PRL: variants seen among roughly 807,000 people sequenced by gnomAD.
The protein encoded by PRL is prolactin.
A neutral mutation model predicts 21.3 loss-of-function variants in PRL; 24 were observed. That is an observed-to-expected ratio of 1.13 (90% confidence interval 0.82 to 1.59). The LOEUF is 1.59. PRL is among the 40% of genes most tolerant of loss of function. The pLI is 0.00. For missense variants in PRL, 243 were observed against 286.9 expected, an observed-to-expected ratio of 0.85 and a Z score of 1.10; for synonymous variants, 118 against 115.7, an observed-to-expected ratio of 1.02 and a Z score of -0.13.
intron 2 of PRL, 65 bp downstream of exon 2, chr6:22,294,344 G>T: frequency 6.3e-7 from 1 of 1,588,770 alleles, no homozygotes; most frequent in Non-Finnish European, 8.6e-7. Context: ...AGGTTAACAT[G>T]TAGCAGAGCC....
chr6:22,297,632 G>A (rs1761205351), upstream of PRL: 1 of 152,120 alleles, frequency 6.6e-6, no homozygotes, highest in Non-Finnish European at 1.5e-5. Flanking sequence ...CATGTGTTTT[G>A]TCTTTTTAAA....
chr6:22,299,333 T>C (rs1310396221), upstream of PRL, among the ~76,000 whole-genome samples: 1 of 152,202 alleles, frequency 6.6e-6, no homozygotes, highest in Non-Finnish European at 1.5e-5. Flanking sequence ...ATAGCTCAAA[T>C]GATGCTAAAG....
At chr6:22,294,297 A>G in intron 2 of PRL, 112 bp downstream of exon 2, 1 of 1,259,672 alleles carries the variant, frequency 7.9e-7, no homozygotes, top group Non-Finnish European at 1.1e-6. Context: ...TCACATGTTA[A>G]AATGTATCGT....
chr6:22,291,894 T>C (rs1332952950), intron 3 of PRL, among the ~76,000 whole-genome samples: 1 of 152,228 alleles, frequency 6.6e-6, no homozygotes, highest in African/African-American at 2.4e-5. Context: ...TGATTGAGGC[T>C]TGATATACAG....
At chr6:22,292,966 T>C (rs1439576592) in intron 2 of PRL, among the ~76,000 whole-genome samples, 1 of 152,200 alleles carries the variant, frequency 6.6e-6, no homozygotes, top group Non-Finnish European at 1.5e-5. Flanking sequence ...AGCAAAAATA[T>C]GCAACATTAA....
chr6:22,293,385 A>G (rs1226636681), intron 2 of PRL, among the ~76,000 whole-genome samples: 3 of 152,188 alleles, frequency 2.0e-5, no homozygotes, highest in Non-Finnish European at 2.9e-5. Context: ...TGGCCAGTCA[A>G]AAATGGAGGA....
At position 22,292,638 on chromosome 6, in the gene PRL, C is replaced by A. The variant is rs140506129; in HGVS notation, c.212G>T (p.Arg71Leu). ...SSEMFSEFDK[R>L]YTHGRGFITK... ...AATGAACCCCCGGCCATGGGTATAC[C>A]GTTTATCCTGGAAATGATGAGACAA... The change falls in exon 3 of 5, where the codon CGG becomes CTG. Residue 71 changes from arginine to leucine, a missense_variant. Coordinates refer to ENST00000306482, the MANE Select transcript of PRL (RefSeq NM_000948.6). 3.1e-6 allele frequency: 5 copies of A among 1,612,204 alleles called. No individual in the cohort carries two copies. Among genetic ancestry groups the A allele is most frequent in the Middle Eastern group, 1.6e-4 (1 of 6,078 alleles).
rs1760988167 is a variant in PRL at position 22,288,919 on chromosome 6, CGTGCGCGT to C, written c.492+1247_492+1254del. Among the ~76,000 whole-genome samples, 1 of 150,064 alleles carries C rather than the reference CGTGCGCGT, an allele frequency of 6.7e-6. No individual in the cohort carries two copies. The highest frequency in any genetic ancestry group is 1.5e-5 in the Non-Finnish European group (1 of 67,398). On this transcript the variant is annotated intron_variant, in intron 4 of 4. Transcript: ENST00000306482. This position sits in a 1 kb window ranked among gnomAD's most constrained non-coding sequence, Gnocchi z 4.5. Reference sequence around the variant, plus strand: ...GCGTGTGTGCGCGCGCGTGTGTGTGCGTGCGCGTGTGTGTGCATGTGTGTGTGCGTGCG... The same window carrying C: ...GCGTGTGTGCGCGCGCGTGTGTGTGCGTGTGTGCATGTGTGTGTGCGTGCG...
chr6:22,291,061 T>G (rs1761039404), intron 3 of PRL: 1 of 152,232 alleles, frequency 6.6e-6, no homozygotes, highest in South Asian at 2.1e-4. Flanking sequence ...GCCTAGGTTT[T>G]GCTTACTACC....
chr6:22,299,213 G>A (rs1284871065), upstream of PRL, among the ~76,000 whole-genome samples: 14 of 152,100 alleles, frequency 9.2e-5, no homozygotes, highest in Non-Finnish European at 1.6e-4. Context: ...GTAAGAATAG[G>A]GTTGTACATT....
intron 3 of PRL, among the ~76,000 whole-genome samples, chr6:22,290,685 C>T (rs749339347): frequency 6.6e-6 from 1 of 152,072 alleles, no homozygotes; most frequent in Non-Finnish European, 1.5e-5. Context: ...ATTTGCTTGT[C>T]CCTGGGGAGA....
chr6:22,293,135 T>C (rs1761089548), intron 2 of PRL, among the ~76,000 whole-genome samples: 1 of 152,212 alleles, frequency 6.6e-6, no homozygotes, highest in Admixed American at 6.5e-5. Flanking sequence ...CTAAAAAGTT[T>C]CTCTGAGTCC....
At chr6:22,293,668 A>G (rs1159177275) in intron 2 of PRL, among the ~76,000 whole-genome samples, 37 of 133,690 alleles carry the variant, frequency 2.8e-4, no homozygotes, top group Non-Finnish European at 4.2e-4. Context: ...GGAAGGAAGG[A>G]AGGAGGGAAG....
intron 4 of PRL, 117 bp downstream of exon 4, chr6:22,290,057 A>G: frequency 2.2e-6 from 2 of 928,670 alleles, no homozygotes; most frequent in Non-Finnish European, 3.0e-6. Flanking sequence ...TTTATTTAAT[A>G]GCGGTCTATA....
chr6:22,290,226 A>G lies in PRL; in HGVS notation c.440T>C (p.Ile147Thr), dbSNP rs1342513893. The G allele has an allele frequency of 6.2e-7, 1 of 1,608,724 alleles. No individual in the cohort carries two copies. Among genetic ancestry groups the G allele is most frequent in the Non-Finnish European group, 8.5e-7 (1 of 1,176,226 alleles). Residue 147 changes from isoleucine (I) to threonine (T), a missense_variant, in exon 4 of 5, where the codon ATT becomes ACT. Coordinates refer to ENST00000306482, the MANE Select transcript of PRL (RefSeq NM_000948.6). Reference protein sequence around the residue: ...PEAILSKAVEIEEQTKRLLEG... With the variant: ...PEAILSKAVETEEQTKRLLEG... ...TAGAAGCCGTTTGGTTTGCTCCTCA[A>G]TCTCTACAGCTTTGGATAGGATAGC... is the stretch of plus-strand genomic sequence containing the variant.
chr6:22,292,551 G>C lies in PRL; in HGVS notation c.299C>G (p.Ala100Gly). The change falls in exon 3 of 5, where the codon GCC (alanine) becomes GGC (glycine). Residue 100 changes from alanine (A) to glycine (G), a missense_variant. Ala to Gly is a moderately conservative substitution (Grantham distance 60). Coordinates refer to ENST00000306482, the MANE Select transcript of PRL (RefSeq NM_000948.6). The stretch of plus-strand genomic sequence containing the variant: ...TGAAGGACTCACATTCATCTGTTGG[G>C]CTTGCTCCTTGTCTTCGGGGGTGGC... ...SLATPEDKEQ[A>G]QQMNQKDFLS... 6.2e-7 allele frequency: 1 copy of C among 1,613,982 alleles called. No individual in the cohort carries two copies. The highest frequency in any genetic ancestry group is 8.5e-7 in the Non-Finnish European group (1 of 1,179,942).
upstream of PRL, among the ~76,000 whole-genome samples, chr6:22,298,470 C>T (rs849877): frequency 0.59 from 89,265 of 151,992 alleles, 26,305 homozygotes; most frequent in East Asian, 0.69. Context: ...TTACTTTTTC[C>T]TTAGTTCCTA....
chr6:22,297,882 T>C (rs781075112), upstream of PRL, among the ~76,000 whole-genome samples: 2 of 152,210 alleles, frequency 1.3e-5, no homozygotes, highest in Non-Finnish European at 2.9e-5. Flanking sequence ...AATAATTCTA[T>C]AGTTGAGTTA....
At chr6:22,292,815 C>T (rs974782795) in intron 2 of PRL, among the ~76,000 whole-genome samples, 170 bp from the exon 3 acceptor site, 1 of 152,168 alleles carries the variant, frequency 6.6e-6, no homozygotes, top group African/African-American at 2.4e-5. Flanking sequence ...CTACTTCCCC[C>T]CCATTATCTC....
Sources: allele counts gnomAD v4.1 joint callset (sites outside exome capture counted in the v4.1 genomes callset), GRCh38; gene constraint gnomAD v4.1.1; non-coding constraint Gnocchi (gnomAD v3.1); transcripts MANE v1.5; gene names NCBI Gene and HGNC (gene_info 2026-07-23, HGNC 2026-07-21).